Variants in CPPED1 observed in about 807,000 individuals in gnomAD.
The protein encoded by CPPED1 is serine/threonine-protein phosphatase CPPED1.
In CPPED1, 28 loss-of-function variants were observed where a neutral mutation model predicts 28.0. The ratio of observed to expected loss-of-function variants is 1.00; its 90% CI spans 0.74 to 1.37. The LOEUF is 1.37. CPPED1 is among the 40% of genes most tolerant of loss of function. CPPED1 has a pLI of 0.00. For missense variants in CPPED1, 504 were observed against 416.5 expected (o/e 1.21, Z -1.83); for synonymous variants, 198 against 180.2 (o/e 1.10, Z -0.79).
At chr16:12,702,208 C>T (rs2080024287) in intron 3 of CPPED1, among the ~76,000 whole-genome samples, 1 of 151,944 alleles carries the variant, frequency 6.6e-6, no homozygotes, top group Non-Finnish European at 1.5e-5. Context: ...GGATATGATG[C>T]CACCCTGTAG....
At chr16:12,783,231 G>A (rs796290717) in intron 1 of CPPED1, among the ~76,000 whole-genome samples, 16 of 152,252 alleles carry the variant, frequency 1.1e-4, no homozygotes, top group African/African-American at 3.6e-4. Flanking sequence ...AGGGCCAGGC[G>A]CCACGCCTGT....
intron 3 of CPPED1, among the ~76,000 whole-genome samples, chr16:12,689,856 A>C (rs1317967797): frequency 6.6e-6 from 1 of 152,214 alleles, no homozygotes; most frequent in African/African-American, 2.4e-5. Context: ...GTCAAATGTA[A>C]AGTACAGGAT....
chr16:12,723,566 G>A (rs1159952131), intron 2 of CPPED1, among the ~76,000 whole-genome samples: 2 of 152,138 alleles, frequency 1.3e-5, no homozygotes, highest in African/African-American at 4.8e-5. Context: ...AGAGGCCTCG[G>A]AAGGAATCGA....
chr16:12,728,171 A>G (rs1406198785), intron 2 of CPPED1, among the ~76,000 whole-genome samples: 1 of 152,200 alleles, frequency 6.6e-6, no homozygotes, highest in East Asian at 1.9e-4. Context: ...CAGCAAGTAT[A>G]AAAACCTAAC....
In CPPED1 at chr16:12,733,641, A is replaced by C. The variant is rs546956669; in HGVS notation, c.290-28592T>G. ...GAAATGTGGGAGTGGGATGGAGAGA[A>C]GGACAGAGCTAAATCCTCATTCTCC... is the stretch of plus-strand genomic sequence containing the variant. On this transcript the variant is annotated intron_variant, in intron 2 of 3. Coordinates refer to ENST00000381774, the MANE Select transcript of CPPED1 (RefSeq NM_018340.3). 2.0e-5 allele frequency among the ~76,000 whole-genome samples: 3 copies of C among 152,346 alleles called. No individual in the cohort carries two copies. The South Asian group carries it at 6.2e-4, about 32-fold the overall frequency.
Position 12,803,735 on chromosome 16 carries a change from C to G in CPPED1, c.42G>C (p.Arg14Ser). The change falls in exon 1 of 4, where the codon AGG becomes AGC. Residue 14 changes from arginine to serine, a missense_variant. Arg to Ser is a moderately radical substitution (Grantham distance 110). Coordinates refer to ENST00000381774, the MANE Select transcript of CPPED1 (RefSeq NM_018340.3). ...AEAGGVFHRA[R>S]GRTLAAFPAE... ...CGGGAAACGCGGCCAGGGTCCTGCC[C>G]CTGGCTCTGTGGAAAACACCCCCCG... 1 of 1,595,938 alleles carries G rather than the reference C, an allele frequency of 6.3e-7. No individual in the cohort carries two copies. The highest frequency in any genetic ancestry group is 2.3e-5 in the East Asian group (1 of 42,914).
chr16:12,796,677 A>C (rs1171914828), intron 1 of CPPED1, among the ~76,000 whole-genome samples: 1 of 152,196 alleles, frequency 6.6e-6, no homozygotes, highest in Non-Finnish European at 1.5e-5. Flanking sequence ...TGGTTCCTCA[A>C]AATATTAAAC....
At chr16:12,756,375 C>T (rs1031512682) in intron 2 of CPPED1, among the ~76,000 whole-genome samples, 1 of 152,184 alleles carries the variant, frequency 6.6e-6, no homozygotes, top group Admixed American at 6.5e-5. Flanking sequence ...GCAAACTACT[C>T]TGGGGCTGTG....
chr16:12,725,652 A>G (rs1025897468), intron 2 of CPPED1, among the ~76,000 whole-genome samples: 2 of 152,108 alleles, frequency 1.3e-5, no homozygotes, highest in African/African-American at 4.8e-5. Context: ...TGATTTGTCA[A>G]AAGGACCACA....
chr16:12,676,689 C>T (rs2079879556), intron 3 of CPPED1, among the ~76,000 whole-genome samples: 4 of 152,122 alleles, frequency 2.6e-5, no homozygotes, highest in African/African-American at 7.2e-5. Context: ...TAAACACATC[C>T]TTAATTTCTC....
At chr16:12,776,193 A>C (rs1354777956) in intron 2 of CPPED1, among the ~76,000 whole-genome samples, 2 of 152,266 alleles carry the variant, frequency 1.3e-5, no homozygotes, top group Admixed American at 1.3e-4. Context: ...GAAAAGGTGC[A>C]ATGCTGCTGG....
intron 2 of CPPED1, among the ~76,000 whole-genome samples, chr16:12,780,543 C>CA (rs1372860023): frequency 6.6e-6 from 1 of 152,004 alleles, no homozygotes; most frequent in Non-Finnish European, 1.5e-5. Context: ...CAAAAGGATA[C>CA]AAATGTAGAC....
At chr16:12,794,975 A>C (rs2080618201) in intron 1 of CPPED1, among the ~76,000 whole-genome samples, 2 of 152,228 alleles carry the variant, frequency 1.3e-5, no homozygotes. Flanking sequence ...GCCATTCGAG[A>C]CAACGGTTAA....
intron 1 of CPPED1, among the ~76,000 whole-genome samples, chr16:12,786,440 T>C (rs1387093408): frequency 6.6e-6 from 1 of 152,174 alleles, no homozygotes; most frequent in Non-Finnish European, 1.5e-5. Context: ...AGGTTGTTAG[T>C]GGTGGTATAT....
At chr16:12,681,221 G>GA (rs907501838) in intron 3 of CPPED1, among the ~76,000 whole-genome samples, 2 of 151,794 alleles carry the variant, frequency 1.3e-5, no homozygotes, top group Non-Finnish European at 2.9e-5. Flanking sequence ...ACAGCGTTGG[G>GA]AGATGGACCT....
chr16:12,801,496 A>G (rs1439693491), intron 1 of CPPED1, among the ~76,000 whole-genome samples: 1 of 152,038 alleles, frequency 6.6e-6, no homozygotes, highest in African/African-American at 2.4e-5. Context: ...ACTCTCATAT[A>G]CTGCTGGTGG....
At chr16:12,797,206 T>C (rs977992640) in intron 1 of CPPED1, among the ~76,000 whole-genome samples, 1 of 152,170 alleles carries the variant, frequency 6.6e-6, no homozygotes, top group Non-Finnish European at 1.5e-5. Context: ...CCTTGAGTTG[T>C]AAACTTAAAA....
At chr16:12,754,987 G>C (rs2080355915) in intron 2 of CPPED1, among the ~76,000 whole-genome samples, 1 of 152,156 alleles carries the variant, frequency 6.6e-6, no homozygotes, top group Admixed American at 6.5e-5. Context: ...CTCTAGCCTG[G>C]GCAACAGAGA....
At chr16:12,780,072 G>C (rs933469384) in intron 2 of CPPED1, among the ~76,000 whole-genome samples, 1 of 152,156 alleles carries the variant, frequency 6.6e-6, no homozygotes, top group African/African-American at 2.4e-5. Context: ...GGGGGAGACT[G>C]TCCTGTTCTT....
Sources: allele counts gnomAD v4.1 joint callset (sites outside exome capture counted in the v4.1 genomes callset), GRCh38; gene constraint gnomAD v4.1.1; transcripts MANE v1.5; gene names NCBI Gene and HGNC (gene_info 2026-07-23, HGNC 2026-07-21).